The following ANO4 variants were observed in gnomAD, a reference collection of about 807,000 sequenced individuals.
ANO4 encodes the protein anoctamin 4.
A neutral mutation model predicts 141.9 loss-of-function variants in ANO4; 69 were observed. The ratio of observed to expected loss-of-function variants is 0.49; its 90% CI spans 0.40 to 0.59. The LOEUF (loss-of-function observed/expected upper bound fraction) is 0.59, where lower values mean the gene tolerates loss of function less well. Among genes scored for constraint, ANO4 ranks in the 20% least tolerant of loss-of-function variants. ANO4 has a pLI of 0.00. For missense variants in ANO4, 894 were observed against 1,162.2 expected (o/e 0.77, Z 3.36); for synonymous variants, 350 against 394.3 (o/e 0.89, Z 1.33).
At chr12:100,846,653 G>A (rs2037574385) in intron 1 of ANO4, among the ~76,000 whole-genome samples, 1 of 152,066 alleles carries the variant, frequency 6.6e-6, no homozygotes, top group South Asian at 2.1e-4. Context: ...TATAAATTGG[G>A]ACAAAAGTAC....
intron 3 of ANO4, among the ~76,000 whole-genome samples, chr12:100,763,898 C>T (rs564104683): frequency 2.0e-5 from 3 of 151,570 alleles, no homozygotes; most frequent in African/African-American, 7.3e-5. Flanking sequence ...AACAAAAGGC[C>T]TAGGAACCAC....
intron 1 of ANO4, among the ~76,000 whole-genome samples, chr12:100,860,129 A>G (rs1016859865): frequency 6.6e-6 from 1 of 152,130 alleles, no homozygotes; most frequent in Admixed American, 6.5e-5. Flanking sequence ...TTACTTAAGG[A>G]AGTACCATTA....
chr12:100,808,352 T>C (rs1016207160), intron 1 of ANO4, among the ~76,000 whole-genome samples: 1 of 152,188 alleles, frequency 6.6e-6, no homozygotes, highest in African/African-American at 2.4e-5. Flanking sequence ...CACATGTATA[T>C]CTTTTGAAAA....
Position 101,097,939 on chromosome 12 carries a change from G to A in ANO4, c.2000G>A (p.Gly667Asp). 6.2e-7 allele frequency: 1 copy of A among 1,613,136 alleles called. No homozygotes were observed. Among genetic ancestry groups the A allele is most frequent in the Non-Finnish European group, 8.5e-7 (1 of 1,179,238 alleles). The change falls in exon 21 of 28, where the codon GGC (glycine) becomes GAC (aspartate). Residue 667 changes from glycine to aspartate, a missense_variant. By Grantham distance (94) the Gly-to-Asp change is moderately conservative. This residue lies in a region of ANO4 where 637 missense variants were observed against 909.2 expected (regional missense o/e 0.70). Transcript: ENST00000392977. The part of the protein sequence containing the change: ...KQTWNNFMEL[G>D]YPLIQNWWTR... ...ACCTGGAATAATTTCATGGAACTTG[G>A]CTACCCGTAAGTACCTTAGTATCAA... is the stretch of plus-strand genomic sequence containing the variant.
chr12:100,966,870 TATACACACACAC>T (rs2043687702), intron 5 of ANO4, among the ~76,000 whole-genome samples: 1 of 142,564 alleles, frequency 7.0e-6, no homozygotes, highest in African/African-American at 2.7e-5. Context: ...TGTATATATA[TATACACACACAC>T]ATACACACAC....
intron 3 of ANO4, among the ~76,000 whole-genome samples, chr12:100,932,243 G>A (rs1418866677): frequency 6.6e-6 from 1 of 151,978 alleles, no homozygotes; most frequent in South Asian, 2.1e-4. Context: ...TCAAGGTGGG[G>A]TTATTTTGCT....
intron 3 of ANO4, among the ~76,000 whole-genome samples, chr12:100,925,018 T>C (rs2041804826): frequency 6.6e-6 from 1 of 152,148 alleles, no homozygotes; most frequent in African/African-American, 2.4e-5. Context: ...GTTACTTGAC[T>C]TTAAAATGCA....
At chr12:100,966,666 A>G (rs992357277) in intron 5 of ANO4, among the ~76,000 whole-genome samples, 3 of 152,116 alleles carry the variant, frequency 2.0e-5, no homozygotes, top group Admixed American at 2.0e-4. Context: ...TGAGTTTATG[A>G]TCTACCTCTG....
chr12:101,042,571 T>C, intron 12 of ANO4, 103 bp downstream of exon 12: 4 of 1,453,648 alleles, frequency 2.8e-6, no homozygotes, highest in Non-Finnish European at 3.8e-6. Flanking sequence ...AGCTTTTCAC[T>C]CAAACTTCCT....
chr12:100,835,082 G>C (rs529936944), intron 1 of ANO4, among the ~76,000 whole-genome samples: 1 of 152,122 alleles, frequency 6.6e-6, no homozygotes, highest in African/African-American at 2.4e-5. Flanking sequence ...CTAAGAGGAG[G>C]CACAGATGTG....
At chr12:100,977,759 A>G (rs149135798) in intron 7 of ANO4, among the ~76,000 whole-genome samples, 248 of 152,184 alleles carry the variant, frequency 1.6e-3, no homozygotes, top group Non-Finnish European at 2.6e-3. Context: ...CTGAGTAGCA[A>G]ATCTGATTAT....
intron 1 of ANO4, among the ~76,000 whole-genome samples, chr12:100,819,242 C>A (rs902821485): frequency 1.3e-5 from 2 of 151,500 alleles, no homozygotes; most frequent in Non-Finnish European, 2.9e-5. Flanking sequence ...ATTCAGCATT[C>A]CCAAATGTAA....
At chr12:101,090,716 G>T (rs2049732979) in intron 17 of ANO4, among the ~76,000 whole-genome samples, 1 of 152,008 alleles carries the variant, frequency 6.6e-6, no homozygotes, top group Non-Finnish European at 1.5e-5. Context: ...CCTGCACATT[G>T]TGCACATGTA....
Position 100,993,861 on chromosome 12 carries a change from G to A in ANO4, c.734+6191G>A, listed in dbSNP as rs767114672. Among the ~76,000 whole-genome samples the A allele has an allele frequency of 2.1e-4, 32 of 152,278 alleles. 1 individual carries two copies. The highest frequency in any genetic ancestry group is 3.1e-4 in the Non-Finnish European group (21 of 68,034). On this transcript the variant is annotated intron_variant, in intron 8 of 27. Transcript: ENST00000392977. Reference sequence around the variant, plus strand: ...AAGCAGATTTGCCGAATAAATAATCGCAGTCTGTCTGAGTGATAGAGCAGG... The same window carrying A: ...AAGCAGATTTGCCGAATAAATAATCACAGTCTGTCTGAGTGATAGAGCAGG...
chr12:100,989,684 T>G (rs1253632462), intron 8 of ANO4, among the ~76,000 whole-genome samples: 1 of 147,066 alleles, frequency 6.8e-6, no homozygotes, highest in African/African-American at 2.5e-5. Context: ...GATAAGTCAC[T>G]GGATGGATGA....
At chr12:100,873,624 T>C (rs1339380439) in intron 1 of ANO4, among the ~76,000 whole-genome samples, 5 of 152,172 alleles carry the variant, frequency 3.3e-5, no homozygotes, top group Non-Finnish European at 5.9e-5. Context: ...TAGCAGCCCA[T>C]ATTTATATTT....
chr12:101,119,487 G>A (rs2137051001), intron 25 of ANO4, among the ~76,000 whole-genome samples: 1 of 152,126 alleles, frequency 6.6e-6, no homozygotes, highest in South Asian at 2.1e-4. Context: ...GGAATGACCA[G>A]CCTGTAAGTG....
At chr12:101,055,667 TTTC>T (rs1245424186) in intron 14 of ANO4, among the ~76,000 whole-genome samples, 1 of 152,132 alleles carries the variant, frequency 6.6e-6, no homozygotes, top group Non-Finnish European at 1.5e-5. Context: ...CCAAGAGTTT[TTTC>T]TTTTTATATA....
At chr12:101,074,579 A>T (rs1566210182) in intron 14 of ANO4, among the ~76,000 whole-genome samples, 1 of 152,220 alleles carries the variant, frequency 6.6e-6, no homozygotes. Flanking sequence ...GGAAAGCAAG[A>T]AAGAATCTTA....
Sources: gnomAD v4.1 joint callset for allele counts (sites outside exome capture counted in the v4.1 genomes callset) on GRCh38, gnomAD v4.1.1 for gene constraint, gnomAD v4.1.1 regional missense constraint, MANE v1.5 for transcripts, NCBI Gene and HGNC (gene_info 2026-07-23, HGNC 2026-07-21) for gene names.